The following UCHL5 variants were observed in gnomAD, a reference collection of about 807,000 sequenced individuals.
The protein encoded by UCHL5 is ubiquitin C-terminal hydrolase L5.
In UCHL5, 34 loss-of-function variants were observed where a neutral mutation model predicts 53.8. The observed-to-expected ratio is 0.63, with a 90% CI of 0.48 to 0.84. The LOEUF is 0.84. Among genes scored for constraint, UCHL5 ranks in the 40% least tolerant of loss-of-function variants. The probability of loss-of-function intolerance (pLI) is 0.00; values close to 1 mark genes in which losing one functional copy is unlikely to be tolerated. For synonymous variants in UCHL5, 111 were observed against 126.3 expected (o/e 0.88, Z 0.81); for missense variants, 290 against 385.6 (o/e 0.75, Z 2.08).
chr1:193,029,352 A>C, intron 5 of UCHL5, 36 bp downstream of exon 5: 3 of 1,613,326 alleles, frequency 1.9e-6, no homozygotes, highest in Non-Finnish European at 2.5e-6. Flanking sequence ...GAAGCAAAGA[A>C]AGAAACAGTA....
At chr1:193,027,807 T>G in intron 7 of UCHL5, 1 of 871,504 alleles carries the variant, frequency 1.1e-6, no homozygotes, top group East Asian at 4.0e-5. Flanking sequence ...AATAGACTTC[T>G]TAAATGCATT....
At chr1:193,047,098 A>G (rs1667573470) in intron 3 of UCHL5, among the ~76,000 whole-genome samples, 2 of 152,150 alleles carry the variant, frequency 1.3e-5, no homozygotes, top group South Asian at 2.1e-4. Context: ...TAAATAATAT[A>G]CCCAAATTAC....
At chr1:193,024,460 T>A (rs1364830747) in intron 7 of UCHL5, among the ~76,000 whole-genome samples, 6 of 151,242 alleles carry the variant, frequency 4.0e-5, no homozygotes, top group African/African-American at 1.5e-4. Context: ...GGAGACTCCA[T>A]ATTTCTTAAA....
chr1:193,033,489 C>T (rs1487285331), intron 3 of UCHL5, among the ~76,000 whole-genome samples: 2 of 151,932 alleles, frequency 1.3e-5, no homozygotes, highest in East Asian at 1.9e-4. Flanking sequence ...AACAAACCTG[C>T]ACATTCTGCA....
chr1:193,024,661 C>T (rs1658470168), intron 7 of UCHL5, among the ~76,000 whole-genome samples: 1 of 150,394 alleles, frequency 6.6e-6, no homozygotes, highest in Admixed American at 6.6e-5. Context: ...GTTTGATTTT[C>T]ACTACTCTGA....
chr1:193,039,706 A>G (rs1369998134), intron 3 of UCHL5, among the ~76,000 whole-genome samples: 1 of 152,202 alleles, frequency 6.6e-6, no homozygotes, highest in African/African-American at 2.4e-5. Flanking sequence ...CTGAGCAAAA[A>G]GAACTAAACT....
chr1:193,035,991 A>C (rs574530834), intron 3 of UCHL5, among the ~76,000 whole-genome samples: 2 of 152,014 alleles, frequency 1.3e-5, no homozygotes, highest in Non-Finnish European at 2.9e-5. Context: ...AACCTGTAAT[A>C]GATTCACTAA....
intron 3 of UCHL5, among the ~76,000 whole-genome samples, chr1:193,041,447 T>C (rs1198291720): frequency 1.3e-5 from 2 of 152,178 alleles, no homozygotes; most frequent in African/African-American, 2.4e-5. Context: ...TGGAACCAAT[T>C]AGCTGACAAA....
At chr1:193,039,865 T>C (rs188941147) in intron 3 of UCHL5, among the ~76,000 whole-genome samples, 354 of 152,332 alleles carry the variant, frequency 2.3e-3, no homozygotes, top group Non-Finnish European at 4.4e-3. Context: ...TAAATCATTT[T>C]CAACAAAGGT....
intron 3 of UCHL5, among the ~76,000 whole-genome samples, chr1:193,036,608 T>C (rs1319793786): frequency 6.6e-6 from 1 of 151,978 alleles, no homozygotes; most frequent in Admixed American, 6.6e-5. Context: ...AGAGGTTAAC[T>C]ACAGACTAAA....
intron 6 of UCHL5, 92 bp downstream of exon 6, chr1:193,029,087 C>G (rs1660410051): frequency 6.8e-7 from 1 of 1,470,190 alleles, no homozygotes; most frequent in African/African-American, 1.4e-5. Flanking sequence ...GTCACTTTTA[C>G]CTTGAAAATT....
intron 3 of UCHL5, among the ~76,000 whole-genome samples, chr1:193,042,671 A>G (rs1276970324): frequency 3.3e-5 from 5 of 152,160 alleles, no homozygotes; most frequent in African/African-American, 9.7e-5. Flanking sequence ...GTCCTACACT[A>G]CTTCTCAAAT....
chr1:193,047,722 T>C (rs1571865902), intron 3 of UCHL5, among the ~76,000 whole-genome samples: 1 of 152,302 alleles, frequency 6.6e-6, no homozygotes, highest in East Asian at 1.9e-4. Flanking sequence ...AAGACCCTTT[T>C]CAAGGAGTTT....
At chr1:193,052,363 T>G (rs1375803312) in intron 1 of UCHL5, among the ~76,000 whole-genome samples, 1 of 152,148 alleles carries the variant, frequency 6.6e-6, no homozygotes, top group Non-Finnish European at 1.5e-5. Context: ...CAGGGAACAT[T>G]TGGCAATGAT....
chr1:193,044,960 G>A (rs1457138876), intron 3 of UCHL5, among the ~76,000 whole-genome samples: 1 of 151,920 alleles, frequency 6.6e-6, no homozygotes, highest in Admixed American at 6.6e-5. Context: ...AACACAACTG[G>A]AATAATACAA....
At chr1:193,060,032 G>T (rs757291752), upstream of UCHL5, 15 of 1,348,084 alleles carry the variant, frequency 1.1e-5, no homozygotes, top group Non-Finnish European at 1.4e-5. Flanking sequence ...AGCCGGGACC[G>T]CTCCTGCTTG....
At chr1:193,029,689 G>T in intron 3 of UCHL5, 32 bp from the exon 4 acceptor site, 1 of 1,520,664 alleles carries the variant, frequency 6.6e-7, no homozygotes. Flanking sequence ...ATATCAATGT[G>T]TTTAAAAAAA....
intron 6 of UCHL5, among the ~76,000 whole-genome samples, chr1:193,028,677 C>T (rs1026299317): frequency 2.0e-5 from 3 of 152,116 alleles, no homozygotes; most frequent in Middle Eastern, 3.4e-3. Context: ...GCATTAGAGA[C>T]GGGGTAGGAT....
intron 3 of UCHL5, among the ~76,000 whole-genome samples, chr1:193,030,210 A>G (rs942810896): frequency 6.6e-6 from 1 of 152,128 alleles, no homozygotes; most frequent in Non-Finnish European, 1.5e-5. Context: ...TCATTTAACA[A>G]ATTATCTGGA....
Sources: gnomAD v4.1 joint callset for allele counts (sites outside exome capture counted in the v4.1 genomes callset) on GRCh38, gnomAD v4.1.1 for gene constraint, MANE v1.5 for transcripts, NCBI Gene and HGNC (gene_info 2026-07-23, HGNC 2026-07-21) for gene names.